Variants in CHN2 observed in about 807,000 individuals in gnomAD.
CHN2 encodes the protein beta-chimaerin.
CHN2 carries 35 observed loss-of-function variants against 56.3 expected under a neutral mutation model. The observed-to-expected ratio is 0.62, with a 90% CI of 0.47 to 0.82. CHN2 has a LOEUF of 0.82. CHN2 is among the 40% of genes least tolerant of loss of function. CHN2 has a pLI of 0.00. For synonymous variants in CHN2, 210 were observed against 212.8 expected, an observed-to-expected ratio of 0.99 and a Z score of 0.12; for missense variants, 491 against 580.5, an observed-to-expected ratio of 0.85 and a Z score of 1.58.
intron 2 of CHN2, 111 bp from the exon 3 acceptor site, chr7:29,367,821 A>G (rs1320916589): frequency 1.2e-6 from 1 of 808,872 alleles, no homozygotes; most frequent in Admixed American, 3.4e-5. Context: ...GTTTTTTTAT[A>G]TTTACAATCC....
At chr7:29,475,681 CA>C (rs1454754108) in intron 6 of CHN2, among the ~76,000 whole-genome samples, 2 of 152,110 alleles carry the variant, frequency 1.3e-5, no homozygotes, top group African/African-American at 4.8e-5. Flanking sequence ...TGTTATTCAG[CA>C]ACAAAAAGGA....
chr7:29,395,165 T>C (rs2128077866), intron 4 of CHN2, among the ~76,000 whole-genome samples: 1 of 152,352 alleles, frequency 6.6e-6, no homozygotes, highest in East Asian at 1.9e-4. Flanking sequence ...TTTTTAGTTC[T>C]TTTATACCTT....
chr7:29,231,287 G>A (rs1460103814), intron 1 of CHN2, among the ~76,000 whole-genome samples: 1 of 152,170 alleles, frequency 6.6e-6, no homozygotes, highest in East Asian at 1.9e-4. Flanking sequence ...ACAGCAAACA[G>A]GTTATGTGTT....
intron 1 of CHN2, among the ~76,000 whole-genome samples, chr7:29,274,310 G>A (rs1182551140): frequency 2.0e-5 from 3 of 152,158 alleles, no homozygotes; most frequent in East Asian, 1.9e-4. Flanking sequence ...GCTCCACTTC[G>A]TCTGCACAAC....
chr7:29,278,531 A>G lies in CHN2; in HGVS notation c.50-76094A>G, dbSNP rs765231125. On this transcript the variant is annotated intron_variant, in intron 1 of 12. Coordinates refer to ENST00000222792, the MANE Select transcript of CHN2 (RefSeq NM_004067.4). ...AATGACTGATCAAGTCAGGCAGCTCATTAGTAGGTTCTATCCCATTGCCAG... is the reference window on the plus strand; with the variant it reads ...AATGACTGATCAAGTCAGGCAGCTCGTTAGTAGGTTCTATCCCATTGCCAG... 7.0e-4 allele frequency among the ~76,000 whole-genome samples: 106 copies of G among 151,750 alleles called. 1 individual carries two copies. Among genetic ancestry groups the G allele is most frequent in the South Asian group, 2.1e-4 (1 of 4,810 alleles).
At chr7:29,364,420 A>G (rs1329354572) in intron 2 of CHN2, among the ~76,000 whole-genome samples, 1 of 152,214 alleles carries the variant, frequency 6.6e-6, no homozygotes, top group East Asian at 1.9e-4. Flanking sequence ...CATTTCAACC[A>G]TATATCACTG....
At chr7:29,448,816 C>A (rs1024378652) in intron 6 of CHN2, among the ~76,000 whole-genome samples, 1 of 152,202 alleles carries the variant, frequency 6.6e-6, no homozygotes, top group Non-Finnish European at 1.5e-5. Flanking sequence ...ATATCTCCCC[C>A]ACCTTAGCAG....
intron 1 of CHN2, among the ~76,000 whole-genome samples, chr7:29,291,611 A>G (rs903523593): frequency 7.9e-5 from 12 of 152,236 alleles, no homozygotes; most frequent in African/African-American, 2.9e-4. Flanking sequence ...AGTTGCATGG[A>G]TGGAACTTTC....
intron 1 of CHN2, among the ~76,000 whole-genome samples, chr7:29,317,735 G>A (rs746140927): frequency 7.9e-5 from 12 of 152,110 alleles, no homozygotes; most frequent in African/African-American, 2.2e-4. Flanking sequence ...ATTGAAGTGG[G>A]ACATATGAGA....
chr7:29,305,780 C>CCA (rs1794093566), intron 1 of CHN2, among the ~76,000 whole-genome samples: 1 of 152,016 alleles, frequency 6.6e-6, no homozygotes, highest in Non-Finnish European at 1.5e-5. Flanking sequence ...CTCCTCCCTT[C>CCA]TCCTCCCCTC....
chr7:29,360,347 C>A (rs760527048), intron 2 of CHN2, among the ~76,000 whole-genome samples: 168 of 152,136 alleles, frequency 1.1e-3, no homozygotes, highest in Non-Finnish European at 1.6e-3. Flanking sequence ...TATGGAGAAA[C>A]CCCATCTCTA....
chr7:29,454,799 C>T (rs941483697), intron 6 of CHN2, among the ~76,000 whole-genome samples: 2 of 152,254 alleles, frequency 1.3e-5, no homozygotes, highest in East Asian at 1.9e-4. Context: ...GTGCATTTGT[C>T]AAAACTCACA....
At chr7:29,468,236 T>C (rs1785732090) in intron 6 of CHN2, among the ~76,000 whole-genome samples, 1 of 150,530 alleles carries the variant, frequency 6.6e-6, no homozygotes. Flanking sequence ...AGTTTTATTG[T>C]TCACATGATG....
intron 1 of CHN2, among the ~76,000 whole-genome samples, chr7:29,313,143 C>G (rs146565184): frequency 5.3e-5 from 8 of 152,146 alleles, no homozygotes; most frequent in Non-Finnish European, 1.0e-4. Flanking sequence ...TTAATTCTTT[C>G]GTAGATTTCC....
intron 12 of CHN2, among the ~76,000 whole-genome samples, chr7:29,510,251 G>C (rs1791143809): frequency 6.6e-6 from 1 of 152,162 alleles, no homozygotes; most frequent in South Asian, 2.1e-4. Flanking sequence ...GTGTGACTCA[G>C]CTGGCTGCCT....
intron 9 of CHN2, among the ~76,000 whole-genome samples, chr7:29,502,331 T>A (rs1790057642): frequency 6.6e-6 from 1 of 152,146 alleles, no homozygotes; most frequent in Admixed American, 6.5e-5. Flanking sequence ...CTATCCTGCG[T>A]GCACAATCAC....
At chr7:29,426,720 A>G (rs1017117356) in intron 6 of CHN2, among the ~76,000 whole-genome samples, 1 of 152,256 alleles carries the variant, frequency 6.6e-6, no homozygotes, top group Non-Finnish European at 1.5e-5. Flanking sequence ...AGAGTATCAC[A>G]AGGCCCAATT....
At chr7:29,505,466 C>G (rs569451507) in intron 10 of CHN2, among the ~76,000 whole-genome samples, 99 of 152,182 alleles carry the variant, frequency 6.5e-4, no homozygotes, top group African/African-American at 2.2e-3. Flanking sequence ...AGTGAGGTAG[C>G]CCTCCCTCTC....
chr7:29,370,712 T>C (rs1350495055), intron 3 of CHN2, among the ~76,000 whole-genome samples: 1 of 152,106 alleles, frequency 6.6e-6, no homozygotes. Flanking sequence ...CCAAGCAAAG[T>C]GTGCAATTAG....
Sources: gnomAD v4.1 joint callset for allele counts (sites outside exome capture counted in the v4.1 genomes callset) on GRCh38, gnomAD v4.1.1 for gene constraint, MANE v1.5 for transcripts, NCBI Gene and HGNC (gene_info 2026-07-23, HGNC 2026-07-21) for gene names.